The following EPHA1 variants were observed in gnomAD, a reference collection of about 807,000 sequenced individuals.
EPHA1 encodes ephrin type-A receptor 1.
EPHA1 carries 92 observed loss-of-function variants against 110.1 expected under a neutral mutation model. The observed-to-expected ratio is 0.84, with a 90% CI of 0.71 to 0.99. EPHA1 has a LOEUF of 0.99. EPHA1 is among the 50% of genes least tolerant of loss of function. The pLI, the probability that EPHA1 is intolerant of heterozygous loss-of-function variation, is 0.00. For synonymous variants in EPHA1, 500 were observed against 516.1 expected, an observed-to-expected ratio of 0.97 and a Z score of 0.42; for missense variants, 1,204 against 1,285.4, an observed-to-expected ratio of 0.94 and a Z score of 0.97.
At chr7:143,392,291 G>T (rs888510205) in intron 16 of EPHA1, among the ~76,000 whole-genome samples, 1 of 152,118 alleles carries the variant, frequency 6.6e-6, no homozygotes, top group Non-Finnish European at 1.5e-5. Context: ...ACTAAAGCTC[G>T]CCAGAGCCAA....
intron 2 of EPHA1, among the ~76,000 whole-genome samples, chr7:143,404,366 G>A (rs1805490916): frequency 6.6e-6 from 1 of 151,752 alleles, no homozygotes; most frequent in Admixed American, 6.6e-5. Flanking sequence ...ACAGGCGCTC[G>A]CCACCATGCC....
Position 143,401,043 on chromosome 7 carries a change from G to A in EPHA1, c.432+281C>T. On this transcript the variant is annotated intron_variant, in intron 3 of 17. Coordinates refer to ENST00000275815, the MANE Select transcript of EPHA1 (RefSeq NM_005232.5). The surrounding 1 kb of genome is among the most constrained non-coding windows in gnomAD (Gnocchi z 4.1). ...TGAGTCGCTGGGACTACAGGTATGG[G>A]CCACCATGCCCAGGTGATTTTTAAT... 1 of 445,468 alleles carries A rather than the reference G, an allele frequency of 2.2e-6. No homozygotes were observed. Among genetic ancestry groups the A allele is most frequent in the Non-Finnish European group, 4.1e-6 (1 of 243,736 alleles). 27.6% of individuals were successfully genotyped at this position (445,468 alleles called of 1,614,324 possible).
At chr7:143,405,723 G>A (rs1805530919) in intron 2 of EPHA1, among the ~76,000 whole-genome samples, 1 of 152,142 alleles carries the variant, frequency 6.6e-6, no homozygotes, top group Non-Finnish European at 1.5e-5. Context: ...CAACTATTAG[G>A]GCTGGATCTT....
intron 7 of EPHA1, 71 bp from the exon 8 acceptor site, chr7:143,398,141 A>AGCACAT: frequency 6.3e-7 from 1 of 1,597,464 alleles, no homozygotes; most frequent in Non-Finnish European, 8.6e-7. Flanking sequence ...ACAGCATCAG[A>AGCACAT]GCACATGGGG....
Position 143,397,647 on chromosome 7 carries a change from G to A in EPHA1, c.1626C>T (p.Gly542=), listed in dbSNP as rs768560395. ...EFRTSPPVSR[G]LTGGEIVAVI... Reference sequence around the variant, plus strand: ...CGGCTACAATCTCTCCTCCAGTCAGGCCCCTGGACACTGTAGGCACAAAGG... The same window carrying A: ...CGGCTACAATCTCTCCTCCAGTCAGACCCCTGGACACTGTAGGCACAAAGG... The change falls in exon 9 of 18, where the codon GGC becomes GGT. Residue 542 remains glycine, a synonymous_variant. Coordinates refer to ENST00000275815, the MANE Select transcript of EPHA1 (RefSeq NM_005232.5). 2.5e-6 allele frequency: 4 copies of A among 1,614,028 alleles called. No homozygotes were observed. The highest frequency in any genetic ancestry group is 3.4e-6 in the Non-Finnish European group (4 of 1,180,024).
chr7:143,395,146 T>G lies in EPHA1; in HGVS notation c.2120A>C (p.Asn707Thr). ...CCTCAGGAAGGCATCCAGGGCTCCA[T>G]TCTCCATAAATTCTGTGATGATCAT... Reference protein sequence around the residue: ...PIMIITEFMENGALDAFLRER... With the variant: ...PIMIITEFMETGALDAFLRER... Residue 707 changes from asparagine (N) to threonine (T), a missense_variant, in exon 13 of 18, where the codon AAT becomes ACT. Physicochemically the swap from Asn to Thr is moderately conservative, Grantham distance 65. Coordinates refer to ENST00000275815, the MANE Select transcript of EPHA1 (RefSeq NM_005232.5). The surrounding 1 kb of genome is among the most constrained non-coding windows in gnomAD (Gnocchi z 4.7). 3.7e-6 allele frequency: 6 copies of G among 1,614,058 alleles called. No homozygotes were observed. In the South Asian group the frequency reaches 6.6e-5, roughly 18 times the overall value.
intron 2 of EPHA1, 71 bp downstream of exon 2, chr7:143,407,540 C>T: frequency 6.7e-7 from 1 of 1,491,848 alleles, no homozygotes; most frequent in South Asian, 1.2e-5. Context: ...TGTTCCTCCA[C>T]CCACCTCTCC....
In EPHA1 at chr7:143,393,927, C is replaced by A. The variant is rs760738559; in HGVS notation, c.2503-63G>T. On this transcript the variant is annotated intron_variant, in intron 15 of 17. Coordinates refer to ENST00000275815, the MANE Select transcript of EPHA1 (RefSeq NM_005232.5). The surrounding 1 kb of genome is among the most constrained non-coding windows in gnomAD (Gnocchi z 5.6). ...GCTAACCTGGAGGCCCATGAGAAAC[C>A]GACGGTCACACAAGATAATTGCAGT... 7.4e-6 allele frequency: 11 copies of A among 1,486,348 alleles called. No individual in the cohort carries two copies. The highest frequency in any genetic ancestry group is 9.9e-6 in the Non-Finnish European group (11 of 1,111,062). The allele number at this position is 1,486,348 out of a possible 1,614,324, so 92.1% of individuals were successfully genotyped here.
Position 143,408,811 on chromosome 7 carries a change from C to T in EPHA1, c.-6G>A. On this transcript the variant is annotated 5_prime_UTR_variant, in exon 1 of 18. Coordinates refer to ENST00000275815, the MANE Select transcript of EPHA1 (RefSeq NM_005232.5). ...AGGGGCCAGCGCCGCTCCATAGCTC[C>T]GGGCCGGGACCTGGGACAGTGGCCC... The T allele has an allele frequency of 8.9e-7, 1 of 1,125,948 alleles. No individual in the cohort carries two copies. 69.7% of individuals were successfully genotyped at this position (1,125,948 alleles called of 1,614,324 possible). A position where few individuals can be genotyped will look rare whatever the true frequency, so the allele number is the denominator to read the frequency against.
In EPHA1 at chr7:143,399,634, A is replaced by G. The variant is rs1332124865; in HGVS notation, c.835+17T>C. On this transcript the variant is annotated intron_variant, in intron 4 of 17. Coordinates refer to ENST00000275815, the MANE Select transcript of EPHA1 (RefSeq NM_005232.5). ...CTCCCGAGTGGTTCCTCAGGTTCTC[A>G]CCGCCTCCGTTCTTACCAACACATG... The G allele has an allele frequency of 1.2e-6, 2 of 1,611,934 alleles. No individual in the cohort carries two copies. The highest frequency in any genetic ancestry group is 1.3e-5 in the African/African-American group (1 of 74,910).
intron 2 of EPHA1, among the ~76,000 whole-genome samples, chr7:143,403,583 A>G (rs1475662359): frequency 2.0e-5 from 3 of 152,316 alleles, no homozygotes; most frequent in East Asian, 3.9e-4. Context: ...TGGAACTGCC[A>G]TATCAAAGGG....
intron 1 of EPHA1, among the ~76,000 whole-genome samples, chr7:143,408,053 C>T (rs185433281): frequency 2.2e-4 from 34 of 152,258 alleles, no homozygotes; most frequent in Non-Finnish European, 4.3e-4. Context: ...CTCTGCTAGC[C>T]AGGAGTGGGC....
Position 143,393,983 on chromosome 7 carries a change from A to G in EPHA1, c.2503-119T>C, listed in dbSNP as rs1805167137. ...TCCTAGGATGGGAGGAGGTGGGAGG[A>G]CCAGGGTGGGACGATCACAGTGGGA... On this transcript the variant is annotated intron_variant, in intron 15 of 17. Coordinates refer to ENST00000275815, the MANE Select transcript of EPHA1 (RefSeq NM_005232.5). This position sits in a 1 kb window ranked among gnomAD's most constrained non-coding sequence, Gnocchi z 5.6. 2 of 1,315,758 alleles carry G rather than the reference A, an allele frequency of 1.5e-6. No homozygotes were observed. Among genetic ancestry groups the G allele is most frequent in the South Asian group, 1.5e-5 (1 of 67,430 alleles). 81.5% of individuals were successfully genotyped at this position (1,315,758 alleles called of 1,614,324 possible).
At chr7:143,392,066 C>T (rs3812406) in intron 16 of EPHA1, among the ~76,000 whole-genome samples, 37,718 of 152,118 alleles carry the variant, frequency 0.25, 5,992 homozygotes, top group Middle Eastern at 0.37. Flanking sequence ...CTGGAGTGGC[C>T]GGTTCTGGGC....
At position 143,395,413 on chromosome 7, in the gene EPHA1, T is replaced by A. The variant is rs1430948164; in HGVS notation, c.1989A>T (p.Pro663=). The part of the protein sequence containing the change: ...VAIKTLKDTS[P]GGQWWNFLRE... ...GAAGGAAGTTCCACCACTGGCCACC[T>A]GGGGATGTGTCTTTTAAGGTCTTAA... The change falls in exon 12 of 18, where the codon CCA becomes CCT. Residue 663 remains proline (P), a synonymous_variant. Coordinates refer to ENST00000275815, the MANE Select transcript of EPHA1 (RefSeq NM_005232.5). This position sits in a 1 kb window ranked among gnomAD's most constrained non-coding sequence, Gnocchi z 4.7. 1 of 1,614,078 alleles carries A rather than the reference T, an allele frequency of 6.2e-7. No homozygotes were observed. Among genetic ancestry groups the A allele is most frequent in the Admixed American group, 1.7e-5 (1 of 60,014 alleles).
rs1209120137 is a variant in EPHA1, at chr7:143,393,169, T to C, written c.2696+502A>G. On this transcript the variant is annotated intron_variant, in intron 16 of 17. Coordinates refer to ENST00000275815, the MANE Select transcript of EPHA1 (RefSeq NM_005232.5). This position sits in a 1 kb window ranked among gnomAD's most constrained non-coding sequence, Gnocchi z 5.6. ...CAAACCCTGCAAGGCTGCTGCTACC[T>C]ACCCCACCCCAGCCTGGCTGCCCAA... Among the ~76,000 whole-genome samples the C allele has an allele frequency of 6.6e-6, 1 of 152,096 alleles. No homozygotes were observed. Among genetic ancestry groups the C allele is most frequent in the Admixed American group, 6.5e-5 (1 of 15,276 alleles).
Position 143,400,048 on chromosome 7 carries a change from G to A in EPHA1, c.438C>T (p.Thr146=), listed in dbSNP as rs1041937914. The A allele has an allele frequency of 5.6e-6, 9 of 1,596,280 alleles. No individual in the cohort carries two copies. Among genetic ancestry groups the A allele is most frequent in the Non-Finnish European group, 6.0e-6 (7 of 1,167,692 alleles). ...QLRRPLFQKV[T]TVAADQSFTI... is the part of the protein sequence containing the mutation. ...TGAAGCTCTGGTCTGCAGCCACCGT[G>A]GTTACCTGGGTAGAAGGTGGGGAAG... The change falls in exon 4 of 18, where the codon ACC becomes ACT. Residue 146 remains threonine, a synonymous_variant. Transcript: ENST00000275815.
At chr7:143,405,262 C>A (rs1025944999) in intron 2 of EPHA1, among the ~76,000 whole-genome samples, 15 of 152,124 alleles carry the variant, frequency 9.9e-5, no homozygotes, top group African/African-American at 2.9e-4. Flanking sequence ...AAGCTGGAGC[C>A]AGGAGAAGCA....
rs200265062 is a variant in EPHA1 at position 143,391,764 on chromosome 7, C to T, written c.2708G>A (p.Arg903His). 4.1e-5 allele frequency: 66 copies of T among 1,613,784 alleles called. No homozygotes were observed. The highest frequency in any genetic ancestry group is 1.1e-4 in the African/African-American group (8 of 75,028). Residue 903 changes from arginine to histidine, a missense_variant, in exon 17 of 18, where the codon CGC (arginine) becomes CAC (histidine). Coordinates refer to ENST00000275815, the MANE Select transcript of EPHA1 (RefSeq NM_005232.5). ...ATCTGAGCCACTCAGGCTGGGCAGG[C>T]GAAGAGTCATCCTGTGGGACATGGG... The part of the protein sequence containing the change: ...IANFDPRMTL[R>H]LPSLSGSDGI...
Sources: gnomAD v4.1 joint callset for allele counts (sites outside exome capture counted in the v4.1 genomes callset) on GRCh38, gnomAD v4.1.1 for gene constraint, Gnocchi (gnomAD v3.1) non-coding constraint, MANE v1.5 for transcripts, NCBI Gene and HGNC (gene_info 2026-07-23, HGNC 2026-07-21) for gene names.